Variants in CNIH3 observed in about 807,000 individuals in gnomAD.
The protein encoded by CNIH3 is protein cornichon homolog 3.
CNIH3 carries 14 observed loss-of-function variants against 24.1 expected under a neutral mutation model. That is an observed-to-expected ratio of 0.58 (90% confidence interval 0.38 to 0.91). The LOEUF is 0.91. Ranked by LOEUF, CNIH3 falls within the 40% of genes least tolerant of loss-of-function variation. The probability of loss-of-function intolerance (pLI) is 0.00; values close to 1 mark genes in which losing one functional copy is unlikely to be tolerated. For synonymous variants in CNIH3, 68 were observed against 73.8 expected (o/e 0.92, Z 0.40); for missense variants, 178 against 196.8 (o/e 0.90, Z 0.57).
At chr1:224,486,938 CA>C (rs1677053113) in intron 1 of CNIH3, among the ~76,000 whole-genome samples, 1 of 152,248 alleles carries the variant, frequency 6.6e-6, no homozygotes, top group Non-Finnish European at 1.5e-5. Context: ...GCTGACTAAA[CA>C]GGCTCCGGAT....
At chr1:224,444,812 T>G (rs1675078862) in intron 1 of CNIH3, among the ~76,000 whole-genome samples, 1 of 151,836 alleles carries the variant, frequency 6.6e-6, no homozygotes, top group South Asian at 2.1e-4. Context: ...GCCCGGCTAA[T>G]TTTTGTATTT....
intron 1 of CNIH3, among the ~76,000 whole-genome samples, chr1:224,519,368 T>G (rs1293016407): frequency 6.6e-6 from 1 of 152,004 alleles, no homozygotes; most frequent in African/African-American, 2.4e-5. Flanking sequence ...CACTATTGGC[T>G]CCCCTGGTTC....
chr1:224,608,117 C>T (rs143119494), intron 3 of CNIH3, among the ~76,000 whole-genome samples: 71 of 152,178 alleles, frequency 4.7e-4, no homozygotes, highest in African/African-American at 1.6e-3. Flanking sequence ...CTGAGGCAGG[C>T]TTCAGAGCAG....
chr1:224,635,262 T>C (rs1324909854), intron 1 of CNIH3, among the ~76,000 whole-genome samples: 1 of 152,142 alleles, frequency 6.6e-6, no homozygotes, highest in Non-Finnish European at 1.5e-5. Flanking sequence ...TCTGCACCCA[T>C]GATCCAATCA....
intron 1 of CNIH3, among the ~76,000 whole-genome samples, chr1:224,520,645 A>G (rs1362312798): frequency 1.3e-5 from 2 of 152,244 alleles, no homozygotes; most frequent in Non-Finnish European, 2.9e-5. Flanking sequence ...GTTCTGGGAC[A>G]GGAAGTGCAT....
intron 4 of CNIH3, among the ~76,000 whole-genome samples, chr1:224,575,816 C>A (rs1176585313): frequency 1.3e-5 from 2 of 151,956 alleles, no homozygotes; most frequent in Non-Finnish European, 2.9e-5. Context: ...AGTAGAATAG[C>A]CTTTGTACTA....
intron 1 of CNIH3, among the ~76,000 whole-genome samples, chr1:224,666,712 A>G (rs1265027496): frequency 6.6e-6 from 1 of 152,198 alleles, no homozygotes; most frequent in East Asian, 1.9e-4. Context: ...AAACCACTGC[A>G]TTTTAGAAGT....
intron 5 of CNIH3, among the ~76,000 whole-genome samples, chr1:224,737,305 A>G (rs556454887): frequency 1.3e-5 from 2 of 152,124 alleles, no homozygotes; most frequent in Non-Finnish European, 2.9e-5. Flanking sequence ...TGTTCCAGAC[A>G]GTCTGTTTGA....
At chr1:224,510,733 G>A (rs1202785665) in intron 1 of CNIH3, among the ~76,000 whole-genome samples, 1 of 152,198 alleles carries the variant, frequency 6.6e-6, no homozygotes, top group Admixed American at 6.5e-5. Flanking sequence ...GAGGAGCCGG[G>A]TTCCAGGATG....
intron 1 of CNIH3, among the ~76,000 whole-genome samples, chr1:224,669,811 C>G (rs1258965443): frequency 1.3e-5 from 2 of 152,178 alleles, no homozygotes; most frequent in Non-Finnish European, 2.9e-5. Context: ...CTTGAGGACA[C>G]CGAGGCTTGG....
chr1:224,460,596 G>A (rs1172828958), intron 1 of CNIH3, among the ~76,000 whole-genome samples: 1 of 152,078 alleles, frequency 6.6e-6, no homozygotes, highest in African/African-American at 2.4e-5. Flanking sequence ...CCATTGTATG[G>A]ATATACCACA....
At chr1:224,503,955 T>G (rs1401174509) in intron 1 of CNIH3, among the ~76,000 whole-genome samples, 1 of 151,874 alleles carries the variant, frequency 6.6e-6, no homozygotes. Context: ...AACTTGGAGG[T>G]GGGGTGGAGG....
At chr1:224,624,211 C>T (rs2125069051) in intron 1 of CNIH3, among the ~76,000 whole-genome samples, 1 of 152,342 alleles carries the variant, frequency 6.6e-6, no homozygotes, top group Middle Eastern at 3.4e-3. Context: ...TCTCTGGGCA[C>T]CATTTAGTGC....
chr1:224,687,777 A>C (rs915837707), intron 3 of CNIH3, among the ~76,000 whole-genome samples: 1 of 152,170 alleles, frequency 6.6e-6, no homozygotes, highest in Admixed American at 6.5e-5. Context: ...AGAGCTTAAT[A>C]ATTGTATGGC....
At chr1:224,623,126 C>A (rs1340556008) in intron 1 of CNIH3, among the ~76,000 whole-genome samples, 2 of 152,154 alleles carry the variant, frequency 1.3e-5, no homozygotes, top group Non-Finnish European at 2.9e-5. Flanking sequence ...CCCTGAGCCC[C>A]CTGACCTGCC....
In CNIH3 at chr1:224,595,430, ATGT is replaced by A. The variant is rs1334960687; in HGVS notation, n.402+29170_402+29172del. ...CTAAGATGGCAAAGTTGATCAATAA[ATGT>A]TGTGTGTGTTCTCACTGCTCCATCA... On this transcript the variant is annotated intron_variant and non_coding_transcript_variant, in intron 3 of 7. Coordinates refer to the CNIH3 transcript ENST00000478120. Among the ~76,000 whole-genome samples the A allele has an allele frequency of 3.9e-5, 6 of 152,252 alleles. No homozygotes were observed. In the East Asian group the frequency reaches 9.6e-4, roughly 24 times the overall value.
At chr1:224,611,578 C>T (rs1039075130), upstream of CNIH3, 8 of 152,184 alleles carry the variant, frequency 5.3e-5, no homozygotes, top group African/African-American at 1.9e-4. Context: ...GCTGCTGTAC[C>T]TCCAGGCATC....
intron 1 of CNIH3, among the ~76,000 whole-genome samples, chr1:224,469,544 G>A (rs1676284608): frequency 6.6e-6 from 1 of 152,088 alleles, no homozygotes; most frequent in Non-Finnish European, 1.5e-5. Flanking sequence ...GTCTTGCTCT[G>A]TCACCCAGAC....
intron 1 of CNIH3, among the ~76,000 whole-genome samples, chr1:224,654,729 A>G (rs1245169467): frequency 6.6e-6 from 1 of 152,228 alleles, no homozygotes; most frequent in African/African-American, 2.4e-5. Context: ...GCCCAAAGCC[A>G]GATAGTCTAC....
Sources: allele counts gnomAD v4.1 joint callset (sites outside exome capture counted in the v4.1 genomes callset), GRCh38; gene constraint gnomAD v4.1.1; transcripts MANE v1.5; gene names NCBI Gene and HGNC (gene_info 2026-07-23, HGNC 2026-07-21).